Variants in PDIA6 observed in about 807,000 individuals in gnomAD.
The protein encoded by PDIA6 is protein disulfide-isomerase A6.
Under a neutral mutation model 58.4 loss-of-function variants are expected in PDIA6, and 29 were observed. That is an observed-to-expected ratio of 0.50 (90% CI 0.37 to 0.68). PDIA6 has a LOEUF of 0.68. Among genes scored for constraint, PDIA6 ranks in the 30% least tolerant of loss-of-function variants. The pLI, the probability that PDIA6 is intolerant of heterozygous loss-of-function variation, is 0.00. For missense variants in PDIA6, 480 were observed against 551.0 expected (o/e 0.87, Z 1.29); for synonymous variants, 192 against 202.6 (o/e 0.95, Z 0.44).
intron 1 of PDIA6, among the ~76,000 whole-genome samples, chr2:10,805,145 T>C (rs1666680440): frequency 6.7e-6 from 1 of 149,544 alleles, no homozygotes; most frequent in African/African-American, 2.5e-5. Context: ...GGAGAAAATT[T>C]TCGCAACCTA....
intron 12 of PDIA6, chr2:10,784,630 T>C (rs971615744): frequency 8.0e-6 from 4 of 499,370 alleles, no homozygotes; most frequent in Non-Finnish European, 1.1e-5. Flanking sequence ...AAAGCTATCA[T>C]TTTCTATTTT....
rs147937688 is a variant in PDIA6, at chr2:10,819,442, T to C, written c.-47-88A>G. 2.1e-3 allele frequency: 1,658 copies of C among 788,868 alleles called. 4 individuals are homozygous for C. Among genetic ancestry groups the C allele is most frequent in the Middle Eastern group, 2.8e-3 (11 of 3,924 alleles). The allele number at this position is 788,868 out of a possible 1,614,324, so 48.9% of individuals were successfully genotyped here. On this transcript the variant is annotated intron_variant, in intron 1 of 13. Transcript: ENST00000381611. ...CACCATATGCCAGGCTCCACGTATTTACATCTGTGAACCTGCTAAAACTGC... is the reference window on the plus strand; with the variant it reads ...CACCATATGCCAGGCTCCACGTATTCACATCTGTGAACCTGCTAAAACTGC...
intron 2 of PDIA6, chr2:10,819,269 CT>C: frequency 6.6e-7 from 1 of 1,507,728 alleles, no homozygotes; most frequent in Non-Finnish European, 9.0e-7. Context: ...GTTTCCTCTA[CT>C]TACCGGGTGC....
At chr2:10,835,126 C>T (rs1667803911), upstream of PDIA6, among the ~76,000 whole-genome samples, 1 of 151,940 alleles carries the variant, frequency 6.6e-6, no homozygotes, top group South Asian at 2.1e-4. Context: ...GGCGGGCCTA[C>T]AGCAAGGAGC....
At chr2:10,818,825 TA>T (rs1667297933) in intron 2 of PDIA6, among the ~76,000 whole-genome samples, 1 of 152,056 alleles carries the variant, frequency 6.6e-6, no homozygotes. Context: ...ACCTGGCCTT[TA>T]ACCATTTTTA....
chr2:10,812,766 C>G lies in PDIA6; in HGVS notation c.-70G>C. 7.5e-7 allele frequency: 1 copy of G among 1,336,798 alleles called. No individual in the cohort carries two copies. Among genetic ancestry groups the G allele is most frequent in the Non-Finnish European group, 9.6e-7 (1 of 1,043,748 alleles). 82.8% of individuals were successfully genotyped at this position (1,336,798 alleles called of 1,614,324 possible). A position where few individuals can be genotyped will look rare whatever the true frequency, so the allele number is the denominator to read the frequency against. On this transcript the variant is annotated 5_prime_UTR_variant, in exon 1 of 13. Transcript: ENST00000272227. The stretch of plus-strand genomic sequence containing the variant: ...CAGCCCTGCAGCGTGCCGCACGCCG[C>G]GCCCCCGCGCCCACGTCCCGCCCCA...
chr2:10,787,117 G>A (rs373874320), intron 11 of PDIA6, among the ~76,000 whole-genome samples, 164 bp downstream of exon 11: 1 of 152,136 alleles, frequency 6.6e-6, no homozygotes, highest in Admixed American at 6.6e-5. Context: ...CGAACAGGGA[G>A]ACAATTTAAA....
Position 10,804,650 on chromosome 2 carries a change from T to C in PDIA6, c.20-2010A>G, listed in dbSNP as rs552774474. On this transcript the variant is annotated intron_variant, in intron 1 of 12. Transcript: ENST00000272227. ...TTTTGGCTTAGGATTGCTTTGGCGA[T>C]GCGGGCTCTTTTTTGGTTCCATATG... Among the ~76,000 whole-genome samples the C allele has an allele frequency of 4.0e-4, 55 of 137,672 alleles. 2 individuals are homozygous for C. The highest frequency in any genetic ancestry group is 3.6e-3 in the Middle Eastern group (1 of 280). 90.3% of individuals were successfully genotyped at this position (137,672 alleles called of 152,430 possible). A position where few individuals can be genotyped will look rare whatever the true frequency, so the allele number is the denominator to read the frequency against.
intron 1 of PDIA6, among the ~76,000 whole-genome samples, chr2:10,826,455 A>T (rs913064668): frequency 6.6e-6 from 1 of 151,632 alleles, no homozygotes; most frequent in South Asian, 2.1e-4. Flanking sequence ...TGCCTCCTGG[A>T]TTCAAGCCAT....
chr2:10,813,656 A>G (rs1452786129), upstream of PDIA6, among the ~76,000 whole-genome samples: 1 of 145,872 alleles, frequency 6.9e-6, no homozygotes, highest in Non-Finnish European at 1.5e-5. Context: ...TTTTTTTGAG[A>G]TGGAGTTTTG....
At chr2:10,802,009 G>C (rs1558448818) in intron 2 of PDIA6, among the ~76,000 whole-genome samples, 1 of 152,048 alleles carries the variant, frequency 6.6e-6, no homozygotes, top group Non-Finnish European at 1.5e-5. Flanking sequence ...TCTTCTATTT[G>C]GTGTTTTTTT....
At chr2:10,811,354 A>T (rs982250343) in intron 1 of PDIA6, among the ~76,000 whole-genome samples, 8 of 152,152 alleles carry the variant, frequency 5.3e-5, no homozygotes, top group African/African-American at 1.9e-4. Context: ...ATACAATGAG[A>T]CCCTGACTCT....
intron 1 of PDIA6, among the ~76,000 whole-genome samples, chr2:10,829,152 C>T (rs959316570): frequency 6.6e-6 from 1 of 152,182 alleles, no homozygotes; most frequent in African/African-American, 2.4e-5. Flanking sequence ...CTGGCCTGAG[C>T]TTTTGGAGAG....
At chr2:10,816,537 T>TTTTTTTTTTG (rs1667202431), upstream of PDIA6, among the ~76,000 whole-genome samples, 1 of 151,748 alleles carries the variant, frequency 6.6e-6, no homozygotes, top group Non-Finnish European at 1.5e-5. Flanking sequence ...TTTTTTTTTT[T>TTTTTTTTTTG]TTTGGCATTG....
At chr2:10,811,504 AGAAAGACATGTAC>A (rs1666996873) in intron 1 of PDIA6, among the ~76,000 whole-genome samples, 1 of 43,018 alleles carries the variant, frequency 2.3e-5, no homozygotes, top group Non-Finnish European at 8.3e-5. Context: ...CTCAAAAAAC[AGAAAGACATGTAC>A]TAACTCATTA....
upstream of PDIA6, among the ~76,000 whole-genome samples, chr2:10,813,014 C>A (rs931365139): frequency 3.3e-5 from 5 of 152,218 alleles, no homozygotes; most frequent in East Asian, 7.8e-4. Context: ...CGGCTCGCAC[C>A]GCCTCAGCTC....
rs192564544 is a variant in PDIA6 at position 10,791,936 on chromosome 2, T to C, written c.454-11A>G. 2.7e-5 allele frequency: 44 copies of C among 1,612,810 alleles called. No individual in the cohort carries two copies. In the East Asian group the frequency reaches 9.4e-4, roughly 34 times the overall value. ...ACTATCACTTCTGCCCTGTCATTTA[T>C]GACATTAAACATCAAACAATTGGGC... On this transcript the variant is annotated splice_polypyrimidine_tract_variant and intron_variant, in intron 5 of 12. Transcript: ENST00000272227.
chr2:10,813,772 A>G (rs1321801453), upstream of PDIA6, among the ~76,000 whole-genome samples: 1 of 151,844 alleles, frequency 6.6e-6, no homozygotes, highest in East Asian at 1.9e-4. Flanking sequence ...AGAAGCTGGG[A>G]TGACAGGTGC....
intron 1 of PDIA6, among the ~76,000 whole-genome samples, chr2:10,822,610 G>A (rs548502595): frequency 1.6e-4 from 25 of 152,302 alleles, no homozygotes; most frequent in African/African-American, 5.8e-4. Flanking sequence ...AAGTGGGCTC[G>A]TGCTCCTTAG....
Sources: gnomAD v4.1 joint callset for allele counts (sites outside exome capture counted in the v4.1 genomes callset) on GRCh38, gnomAD v4.1.1 for gene constraint, MANE v1.5 for transcripts, NCBI Gene and HGNC (gene_info 2026-07-23, HGNC 2026-07-21) for gene names.